ASB5: variants seen among roughly 807,000 people sequenced by gnomAD.
ASB5 encodes the protein ankyrin repeat and SOCS box containing 5, also known as ankyrin repeat and SOCS box protein 5.
ASB5 carries 45 observed loss-of-function variants against 42.1 expected under a neutral mutation model. The observed-to-expected ratio is 1.07, with a 90% CI of 0.84 to 1.37. The LOEUF is 1.37. Among genes scored for constraint, ASB5 ranks in the 40% most tolerant of loss-of-function variants. The pLI, the probability that ASB5 is intolerant of heterozygous loss-of-function variation, is 0.00. For synonymous variants in ASB5, 147 were observed against 150.6 expected, an observed-to-expected ratio of 0.98 and a Z score of 0.18; for missense variants, 402 against 399.8, an observed-to-expected ratio of 1.01 and a Z score of -0.05.
chr4:176,260,022 A>G (rs1268278238), intron 1 of ASB5, among the ~76,000 whole-genome samples: 3 of 152,234 alleles, frequency 2.0e-5, no homozygotes, highest in African/African-American at 7.2e-5. Flanking sequence ...TCGAAAGGAT[A>G]TTCAGCTATG....
chr4:176,242,542 G>A (rs1226495877), intron 1 of ASB5, among the ~76,000 whole-genome samples: 1 of 152,094 alleles, frequency 6.6e-6, no homozygotes, highest in African/African-American at 2.4e-5. Flanking sequence ...GCATTATGTT[G>A]TTATATAATA....
intron 1 of ASB5, among the ~76,000 whole-genome samples, chr4:176,259,108 G>A (rs935941114): frequency 1.6e-4 from 24 of 152,168 alleles, no homozygotes; most frequent in African/African-American, 5.5e-4. Context: ...GAGAGAGAAG[G>A]AGAGAGATGC....
At chr4:176,267,761 G>T (rs1018977861) in intron 1 of ASB5, among the ~76,000 whole-genome samples, 1 of 152,034 alleles carries the variant, frequency 6.6e-6, no homozygotes, top group Non-Finnish European at 1.5e-5. Context: ...TTTTGAATAA[G>T]AACATCAATT....
intron 1 of ASB5, among the ~76,000 whole-genome samples, chr4:176,238,328 A>C (rs891111091): frequency 2.0e-5 from 3 of 152,052 alleles, no homozygotes; most frequent in Non-Finnish European, 4.4e-5. Context: ...TTATTTATAT[A>C]GGCACAGCTC....
rs183721840 is a variant in ASB5, at chr4:176,221,079, T to C, written c.670+76A>G. The C allele has an allele frequency of 6.7e-5, 95 of 1,428,052 alleles. No individual in the cohort carries two copies. The African/African-American group carries it at 7.7e-4, about 12-fold the overall frequency. 88.5% of individuals were successfully genotyped at this position (1,428,052 alleles called of 1,614,324 possible). A position where few individuals can be genotyped will look rare whatever the true frequency, so the allele number is the denominator to read the frequency against. ...TTTTTTAGCAATGAGATCTAATTTT[T>C]AAAGATGCTCATTTAGAGAAATAAA... On this transcript the variant is annotated intron_variant, in intron 5 of 6. Transcript: ENST00000296525.
At chr4:176,248,410 C>G (rs1192044698) in intron 1 of ASB5, among the ~76,000 whole-genome samples, 1 of 152,150 alleles carries the variant, frequency 6.6e-6, no homozygotes, top group Non-Finnish European at 1.5e-5. Flanking sequence ...GTGTGAGCCA[C>G]TGTACCCAGC....
chr4:176,253,918 C>T (rs1389838150), intron 1 of ASB5, among the ~76,000 whole-genome samples: 1 of 152,058 alleles, frequency 6.6e-6, no homozygotes, highest in Non-Finnish European at 1.5e-5. Context: ...CATAGATGAT[C>T]CAAACAAAAA....
At chr4:176,241,108 A>T (rs1470801454) in intron 1 of ASB5, among the ~76,000 whole-genome samples, 1 of 152,226 alleles carries the variant, frequency 6.6e-6, no homozygotes, top group African/African-American at 2.4e-5. Flanking sequence ...TTTTAGTATT[A>T]TCTCCAAACG....
chr4:176,274,836 A>G (rs1579340662), intron 2 of ASB5, among the ~76,000 whole-genome samples: 1 of 152,162 alleles, frequency 6.6e-6, no homozygotes, highest in South Asian at 2.1e-4. Flanking sequence ...ATCATTTTGA[A>G]GATCCAAAGC....
intron 2 of ASB5, among the ~76,000 whole-genome samples, chr4:176,223,273 A>G (rs6858332): frequency 0.38 from 57,789 of 152,024 alleles, 11,255 homozygotes; most frequent in Non-Finnish European, 0.43. Flanking sequence ...GAATAGTTTT[A>G]ATTTGGACAA....
Position 176,269,207 on chromosome 4 carries a change from G to T in ASB5, c.-99C>A. 9.4e-7 allele frequency: 1 copy of T among 1,061,780 alleles called. No individual in the cohort carries two copies. Among genetic ancestry groups the T allele is most frequent in the Non-Finnish European group, 1.3e-6 (1 of 750,924 alleles). The allele number at this position is 1,061,780 out of a possible 1,614,324, so 65.8% of individuals were successfully genotyped here. On this transcript the variant is annotated 5_prime_UTR_variant, in exon 1 of 7. Coordinates refer to ENST00000296525, the MANE Select transcript of ASB5 (RefSeq NM_080874.4). ...TCCTGAACAGCTGGTCCTGAGGAAA[G>T]AAAATATCAGCTGGTAGTGATGCCT...
chr4:176,218,080 G>C (rs941364012), intron 5 of ASB5, among the ~76,000 whole-genome samples: 1 of 146,494 alleles, frequency 6.8e-6, no homozygotes, highest in Admixed American at 7.0e-5. Context: ...GGAAGAAAAG[G>C]GTCTGAAAAT....
chr4:176,238,372 TC>T (rs1251799694), intron 1 of ASB5, among the ~76,000 whole-genome samples: 1 of 152,144 alleles, frequency 6.6e-6, no homozygotes. Flanking sequence ...CATCTCTAAA[TC>T]AAAAGACGTC....
intron 1 of ASB5, among the ~76,000 whole-genome samples, chr4:176,258,089 T>C (rs1754189225): frequency 6.6e-6 from 1 of 152,198 alleles, no homozygotes; most frequent in African/African-American, 2.4e-5. Context: ...TACTAAATTA[T>C]AGGCAATTCT....
chr4:176,252,508 AT>A (rs763298927), intron 1 of ASB5, among the ~76,000 whole-genome samples: 1 of 152,224 alleles, frequency 6.6e-6, no homozygotes, highest in Non-Finnish European at 1.5e-5. Flanking sequence ...ATTTGTCTAA[AT>A]TCCGAAGATG....
chr4:176,234,845 A>C (rs1329456852), intron 1 of ASB5, among the ~76,000 whole-genome samples: 1 of 152,210 alleles, frequency 6.6e-6, no homozygotes, highest in East Asian at 1.9e-4. Context: ...GGGGGCAATC[A>C]TACTTACATA....
At chr4:176,239,020 G>A (rs746236405) in intron 1 of ASB5, among the ~76,000 whole-genome samples, 16 of 152,284 alleles carry the variant, frequency 1.1e-4, no homozygotes, top group East Asian at 5.8e-4. Flanking sequence ...AAGAGAGTGC[G>A]TGAGCTGTAG....
chr4:176,266,971 G>A (rs1030078469), intron 1 of ASB5, among the ~76,000 whole-genome samples: 10 of 152,100 alleles, frequency 6.6e-5, no homozygotes, highest in Admixed American at 2.0e-4. Context: ...GTCTAATGAG[G>A]GGATGAGTGT....
intron 1 of ASB5, among the ~76,000 whole-genome samples, chr4:176,256,431 G>T (rs935253979): frequency 6.6e-6 from 1 of 152,196 alleles, no homozygotes; most frequent in Non-Finnish European, 1.5e-5. Context: ...AAAGGGGCAA[G>T]GGTTCCTGGA....
Sources: allele counts gnomAD v4.1 joint callset (sites outside exome capture counted in the v4.1 genomes callset), GRCh38; gene constraint gnomAD v4.1.1; transcripts MANE v1.5; gene names NCBI Gene and HGNC (gene_info 2026-07-23, HGNC 2026-07-21).